Variants in BUB1B observed in about 807,000 individuals in gnomAD.
BUB1B encodes BUB1 mitotic checkpoint serine/threonine kinase B, also known as mitotic checkpoint serine/threonine-protein kinase BUB1 beta.
BUB1B carries 86 observed loss-of-function variants against 137.7 expected under a neutral mutation model. The ratio of observed to expected loss-of-function variants is 0.62; its 90% CI spans 0.52 to 0.75. The LOEUF (loss-of-function observed/expected upper bound fraction) is 0.75, where lower values mean the gene tolerates loss of function less well. BUB1B is among the 30% of genes least tolerant of loss of function. The probability of loss-of-function intolerance (pLI) is 0.00; values close to 1 mark genes in which losing one functional copy is unlikely to be tolerated. For synonymous variants in BUB1B, 420 were observed against 417.9 expected (o/e 1.00, Z -0.06); for missense variants, 1,130 against 1,236.9 (o/e 0.91, Z 1.30).
chr15:40,216,547 CTA>C (rs763770679), intron 20 of BUB1B, among the ~76,000 whole-genome samples: 7,183 of 125,138 alleles, frequency 0.057, 302 homozygotes, highest in African/African-American at 0.11. Context: ...TATATATATA[CTA>C]TATATATATA....
intron 5 of BUB1B, among the ~76,000 whole-genome samples, chr15:40,180,009 A>G (rs1208058656): frequency 2.0e-5 from 3 of 150,360 alleles, no homozygotes; most frequent in African/African-American, 4.9e-5. Context: ...AACTTAGGAA[A>G]ATAGTCTGTT....
chr15:40,164,604 A>G (rs2037073478), intron 1 of BUB1B, among the ~76,000 whole-genome samples: 1 of 151,944 alleles, frequency 6.6e-6, no homozygotes, highest in Non-Finnish European at 1.5e-5. Context: ...CTACTTTGCC[A>G]AATTTATAAC....
At chr15:40,170,882 G>A (rs893938312) in intron 4 of BUB1B, among the ~76,000 whole-genome samples, 3 of 151,958 alleles carry the variant, frequency 2.0e-5, no homozygotes, top group Non-Finnish European at 4.4e-5. Context: ...AGGTATTTTC[G>A]CCCTTTTAAG....
chr15:40,215,686 G>A (rs1251269974), intron 20 of BUB1B, among the ~76,000 whole-genome samples: 2 of 151,964 alleles, frequency 1.3e-5, no homozygotes, highest in African/African-American at 2.4e-5. Context: ...GGAGAATGGC[G>A]TGAACCCGGG....
intron 14 of BUB1B, among the ~76,000 whole-genome samples, chr15:40,203,331 A>G (rs2037598207): frequency 6.7e-6 from 1 of 148,638 alleles, no homozygotes; most frequent in African/African-American, 2.6e-5. Flanking sequence ...TCTAATTTTC[A>G]TGAAATATCC....
At chr15:40,170,735 C>T in intron 4 of BUB1B, 54 bp downstream of exon 4, 1 of 1,579,012 alleles carries the variant, frequency 6.3e-7, no homozygotes, top group Non-Finnish European at 8.7e-7. Flanking sequence ...AAGAGATTTT[C>T]TCTAGAGGTA....
At chr15:40,185,124 A>G (rs2037343213) in intron 6 of BUB1B, 41 bp from the exon 7 acceptor site, 2 of 1,539,280 alleles carry the variant, frequency 1.3e-6, no homozygotes, top group Non-Finnish European at 1.8e-6. Context: ...TAAGTTAATA[A>G]TGAAACATTT....
At chr15:40,164,971 C>G in intron 1 of BUB1B, 82 bp from the exon 2 acceptor site, 1 of 1,558,230 alleles carries the variant, frequency 6.4e-7, no homozygotes, top group Non-Finnish European at 8.8e-7. Context: ...TGAATAATCA[C>G]CTTTCGGAAG....
chr15:40,198,971 AC>A (rs536746301), intron 9 of BUB1B, among the ~76,000 whole-genome samples: 135 of 152,166 alleles, frequency 8.9e-4, no homozygotes, highest in African/African-American at 3.2e-3. Flanking sequence ...TACCTCTCCA[AC>A]CCCATCTTTT....
chr15:40,164,990 A>C (rs1176006571), intron 1 of BUB1B, 63 bp from the exon 2 acceptor site: 20 of 1,598,430 alleles, frequency 1.3e-5, no homozygotes, highest in Non-Finnish European at 1.6e-5. Context: ...AGACATTTAC[A>C]ATAATCTAGT....
chr15:40,186,714 G>A (rs541730659), intron 8 of BUB1B, among the ~76,000 whole-genome samples: 423 of 151,524 alleles, frequency 2.8e-3, no homozygotes, highest in Non-Finnish European at 4.0e-3. Flanking sequence ...CAAAGTGCTG[G>A]AATTACAGGC....
intron 18 of BUB1B, among the ~76,000 whole-genome samples, chr15:40,212,084 C>T (rs958753087): frequency 2.0e-5 from 3 of 152,234 alleles, no homozygotes; most frequent in African/African-American, 7.2e-5. Flanking sequence ...ATCCACACGC[C>T]TCAGCCTCCC....
Position 40,166,753 on chromosome 15 carries a change from A to G in BUB1B, c.179+1557A>G, listed in dbSNP as rs566957833. Among the ~76,000 whole-genome samples, 9 of 152,332 alleles carry G rather than the reference A, an allele frequency of 5.9e-5. No individual in the cohort carries two copies. The East Asian group carries it at 1.7e-3, about 29-fold the overall frequency. ...GGAGGTTGTGACATTTTACATTTCT[A>G]CCAGCAACTCATGAGAGTTCATTTG... On this transcript the variant is annotated intron_variant, in intron 2 of 22. Transcript: ENST00000287598.
At chr15:40,174,132 T>C (rs1177863484) in intron 4 of BUB1B, among the ~76,000 whole-genome samples, 3 of 152,228 alleles carry the variant, frequency 2.0e-5, no homozygotes, top group South Asian at 2.1e-4. Flanking sequence ...CTTTACTGGC[T>C]GTCCCACGCA....
intron 1 of BUB1B, 120 bp downstream of exon 1, chr15:40,161,375 G>T: frequency 8.6e-7 from 1 of 1,165,220 alleles, no homozygotes; most frequent in East Asian, 3.0e-5. Context: ...AGACCCCACC[G>T]GAGCCTCCTT....
chr15:40,168,316 G>A (rs746208194), intron 2 of BUB1B, among the ~76,000 whole-genome samples: 8 of 151,970 alleles, frequency 5.3e-5, no homozygotes, highest in Non-Finnish European at 8.8e-5. Flanking sequence ...GCAGTGAGCC[G>A]AGATTGTGCC....
At chr15:40,205,913 T>C (rs1469840196) in intron 14 of BUB1B, among the ~76,000 whole-genome samples, 1 of 152,030 alleles carries the variant, frequency 6.6e-6, no homozygotes, top group Admixed American at 6.6e-5. Context: ...AGAAGAAAAA[T>C]AGTATTTGTG....
intron 5 of BUB1B, among the ~76,000 whole-genome samples, chr15:40,179,219 C>A (rs978745982): frequency 1.3e-5 from 2 of 151,846 alleles, no homozygotes; most frequent in African/African-American, 4.8e-5. Flanking sequence ...CAAGGTTCAT[C>A]ATAAATGAAC....
intron 14 of BUB1B, among the ~76,000 whole-genome samples, chr15:40,203,154 G>A (rs1384910528): frequency 6.6e-6 from 1 of 152,164 alleles, no homozygotes; most frequent in Non-Finnish European, 1.5e-5. Flanking sequence ...AACCCCAAAT[G>A]TCCATCAACT....
Sources: allele counts gnomAD v4.1 joint callset (sites outside exome capture counted in the v4.1 genomes callset), GRCh38; gene constraint gnomAD v4.1.1; transcripts MANE v1.5; gene names NCBI Gene and HGNC (gene_info 2026-07-23, HGNC 2026-07-21).